Variants in PCSK5 observed in about 807,000 individuals in gnomAD.
The protein encoded by PCSK5 is proprotein convertase subtilisin/kexin type 5.
A neutral mutation model predicts 233.2 loss-of-function variants in PCSK5; 129 were observed. The ratio of observed to expected loss-of-function variants is 0.55; its 90% CI spans 0.48 to 0.64. PCSK5 has a LOEUF of 0.64. Ranked by LOEUF, PCSK5 falls within the 30% of genes least tolerant of loss-of-function variation. The pLI is 0.00. For missense variants in PCSK5, 2,076 were observed against 2,430.1 expected, an observed-to-expected ratio of 0.85 and a Z score of 3.06; for synonymous variants, 825 against 879.2, an observed-to-expected ratio of 0.94 and a Z score of 1.09.
intron 3 of PCSK5, among the ~76,000 whole-genome samples, chr9:75,995,947 C>T (rs1179356950): frequency 6.6e-6 from 1 of 151,968 alleles, no homozygotes; most frequent in African/African-American, 2.4e-5. Flanking sequence ...AGATCTATTT[C>T]TACTATGGCA....
chr9:76,165,272 A>G (rs1041896107), intron 12 of PCSK5, among the ~76,000 whole-genome samples: 1 of 152,240 alleles, frequency 6.6e-6, no homozygotes, highest in Non-Finnish European at 1.5e-5. Flanking sequence ...TGTAGTGGAC[A>G]TAAATACCAT....
At chr9:76,193,781 A>G (rs965963093) in intron 20 of PCSK5, 2 of 155,892 alleles carry the variant, frequency 1.3e-5, no homozygotes, top group African/African-American at 2.4e-5. Flanking sequence ...GCGAGAGCAT[A>G]CATAGACAAA....
intron 5 of PCSK5, among the ~76,000 whole-genome samples, chr9:76,034,477 C>T (rs926875305): frequency 3.9e-5 from 6 of 152,118 alleles, no homozygotes; most frequent in African/African-American, 1.4e-4. Flanking sequence ...TCCTTATTAT[C>T]GAGTCTATTC....
At chr9:76,038,436 G>A (rs1828957464) in intron 5 of PCSK5, among the ~76,000 whole-genome samples, 1 of 152,114 alleles carries the variant, frequency 6.6e-6, no homozygotes, top group Non-Finnish European at 1.5e-5. Context: ...TGTGACCTGT[G>A]TTGTTAATTT....
intron 1 of PCSK5, among the ~76,000 whole-genome samples, chr9:75,931,390 A>T (rs1198408693): frequency 6.6e-6 from 1 of 152,110 alleles, no homozygotes; most frequent in Non-Finnish European, 1.5e-5. Flanking sequence ...TGCCTAAAGC[A>T]TGTGAGTGTC....
chr9:76,124,393 T>A (rs775836900), intron 9 of PCSK5, among the ~76,000 whole-genome samples: 28 of 152,100 alleles, frequency 1.8e-4, no homozygotes, highest in Non-Finnish European at 3.8e-4. Flanking sequence ...TGAAGCCAGG[T>A]TTGTTTCCTG....
intron 6 of PCSK5, 123 bp from the exon 7 acceptor site, chr9:76,071,603 A>G: frequency 1.3e-6 from 1 of 742,970 alleles, no homozygotes; most frequent in Non-Finnish European, 2.2e-6. Context: ...TGCTGGGGGA[A>G]GATATGCTCA....
At position 76,023,806 on chromosome 9, in the gene PCSK5, C is replaced by T; in HGVS notation, c.480C>T (p.Tyr160=). The change falls in exon 4 of 38, where the codon TAC becomes TAT. Residue 160 remains tyrosine (Y), a synonymous_variant. Transcript: ENST00000674117. ...TCGAAGGAGCCTGGAAGAGAGGCTA[C>T]ACGGGAAAGAACATTGTGGTCACTA... ...MNIEGAWKRG[Y]TGKNIVVTIL... is the part of the protein sequence containing the mutation. 1.2e-6 allele frequency: 2 copies of T among 1,613,378 alleles called. No homozygotes were observed. Among genetic ancestry groups the T allele is most frequent in the Non-Finnish European group, 1.7e-6 (2 of 1,179,470 alleles).
chr9:75,891,532 C>CAT (rs1491580021), intron 1 of PCSK5, among the ~76,000 whole-genome samples, 159 bp downstream of exon 1: 37 of 408 alleles, frequency 0.091, no homozygotes, highest in Admixed American at 0.26. Flanking sequence ...CGCGCGTACG[C>CAT]ACACACACAC....
chr9:76,258,225 G>A (rs1827046061), intron 24 of PCSK5, among the ~76,000 whole-genome samples: 1 of 152,186 alleles, frequency 6.6e-6, no homozygotes, highest in Middle Eastern at 3.2e-3. Context: ...AGAGCTGACA[G>A]CCTAATTTAT....
chr9:76,108,509 C>A (rs1254551563), intron 9 of PCSK5, among the ~76,000 whole-genome samples: 4 of 152,306 alleles, frequency 2.6e-5, no homozygotes, highest in African/African-American at 9.6e-5. Context: ...AATCCCAGCA[C>A]TTTGGGAGGC....
intron 24 of PCSK5, among the ~76,000 whole-genome samples, chr9:76,257,237 T>C (rs1827011756): frequency 6.6e-6 from 1 of 152,030 alleles, no homozygotes; most frequent in African/African-American, 2.4e-5. Flanking sequence ...CATCTCCCTA[T>C]GCCACAACCA....
At chr9:75,911,260 TA>T (rs1415124569) in intron 1 of PCSK5, among the ~76,000 whole-genome samples, 1 of 136,398 alleles carries the variant, frequency 7.3e-6, no homozygotes, top group African/African-American at 2.9e-5. Context: ...CCAAAGTAGT[TA>T]AAATCTTATT....
In PCSK5 at chr9:76,078,743, A is replaced by G. The variant is rs188926904; in HGVS notation, c.894+6845A>G. Among the ~76,000 whole-genome samples the G allele has an allele frequency of 1.1e-4, 16 of 152,298 alleles. No individual in the cohort carries two copies. In the East Asian group the frequency reaches 2.9e-3, roughly 28 times the overall value. On this transcript the variant is annotated intron_variant, in intron 7 of 37. Coordinates refer to ENST00000674117, the MANE Select transcript of PCSK5 (RefSeq NM_001372043.1). Reference sequence around the variant, plus strand: ...TTACTGTAGGCTTTTAGTATAGTTTATACCAAGTAATGTAATGCCTCTGGC... The same window carrying G: ...TTACTGTAGGCTTTTAGTATAGTTTGTACCAAGTAATGTAATGCCTCTGGC...
chr9:76,244,563 G>GTTT (rs3077122), intron 24 of PCSK5, among the ~76,000 whole-genome samples: 264 of 66,734 alleles, frequency 4.0e-3, no homozygotes, highest in African/African-American at 0.011. Flanking sequence ...AAATCCTGGG[G>GTTT]TTTTTTTTTT....
At chr9:75,994,169 T>C (rs1826895007) in intron 3 of PCSK5, among the ~76,000 whole-genome samples, 1 of 152,082 alleles carries the variant, frequency 6.6e-6, no homozygotes, top group Admixed American at 6.6e-5. Flanking sequence ...ATTTACCTGC[T>C]TCCACTGTTT....
chr9:76,076,205 AT>A (rs1830640505), intron 7 of PCSK5, among the ~76,000 whole-genome samples: 1 of 152,134 alleles, frequency 6.6e-6, no homozygotes, highest in Non-Finnish European at 1.5e-5. Context: ...CCAGAACACA[AT>A]ACTAATGTAG....
At chr9:76,018,262 G>A (rs941632390) in intron 3 of PCSK5, among the ~76,000 whole-genome samples, 2 of 152,280 alleles carry the variant, frequency 1.3e-5, no homozygotes, top group African/African-American at 2.4e-5. Flanking sequence ...AACTAGCCAT[G>A]ATGTGAGTAT....
At chr9:76,224,797 G>A (rs987579146) in intron 20 of PCSK5, among the ~76,000 whole-genome samples, 1 of 152,274 alleles carries the variant, frequency 6.6e-6, no homozygotes, top group East Asian at 1.9e-4. Flanking sequence ...GTTTATGAAA[G>A]CCAATGAGAA....
Sources: gnomAD v4.1 joint callset for allele counts (sites outside exome capture counted in the v4.1 genomes callset) on GRCh38, gnomAD v4.1.1 for gene constraint, MANE v1.5 for transcripts, NCBI Gene and HGNC (gene_info 2026-07-23, HGNC 2026-07-21) for gene names.